Variants in PCCA observed in about 807,000 individuals in gnomAD.
PCCA encodes the protein propionyl-CoA carboxylase alpha chain, mitochondrial.
In PCCA, 74 loss-of-function variants were observed where a neutral mutation model predicts 101.3. The ratio of observed to expected loss-of-function variants is 0.73; its 90% CI spans 0.61 to 0.89. The LOEUF (loss-of-function observed/expected upper bound fraction) is 0.89. Among genes scored for constraint, PCCA ranks in the 40% least tolerant of loss-of-function variants. The pLI, the probability that PCCA is intolerant of heterozygous loss-of-function variation, is 0.00. For missense variants in PCCA, 891 were observed against 907.0 expected (o/e 0.98, Z 0.23); for synonymous variants, 294 against 313.6 (o/e 0.94, Z 0.66).
At chr13:100,168,732 G>C in intron 6 of PCCA, among the ~76,000 whole-genome samples, 1 of 152,166 alleles carries the variant, frequency 6.6e-6, no homozygotes, top group Admixed American at 6.5e-5. Flanking sequence ...TTCCCTGTGA[G>C]TCTCAGTGGT....
chr13:100,175,644 G>C (rs905882675), intron 6 of PCCA, among the ~76,000 whole-genome samples: 1 of 152,188 alleles, frequency 6.6e-6, no homozygotes, highest in Non-Finnish European at 1.5e-5. Context: ...TGGAGAGGCT[G>C]CCCTTGTTCA....
chr13:100,512,108 C>T (rs1251961853), intron 21 of PCCA, among the ~76,000 whole-genome samples: 2 of 152,206 alleles, frequency 1.3e-5, no homozygotes, highest in Non-Finnish European at 1.5e-5. Context: ...CAACCACTCT[C>T]AGCCCCCAGG....
At chr13:100,525,195 G>T (rs537153982) in intron 22 of PCCA, among the ~76,000 whole-genome samples, 1 of 152,156 alleles carries the variant, frequency 6.6e-6, no homozygotes, top group Non-Finnish European at 1.5e-5. Context: ...AGATGGGATC[G>T]CTTCAGTGGG....
intron 9 of PCCA, among the ~76,000 whole-genome samples, chr13:100,261,399 A>G (rs1381053875): frequency 6.0e-5 from 9 of 148,784 alleles, no homozygotes; most frequent in Non-Finnish European, 7.4e-5. Flanking sequence ...ATGGAGTCTC[A>G]CTGTCACCCA....
intron 21 of PCCA, among the ~76,000 whole-genome samples, chr13:100,486,912 ACT>A (rs769092330): frequency 2.0e-5 from 3 of 152,034 alleles, no homozygotes; most frequent in East Asian, 1.9e-4. Flanking sequence ...GAGCAGAGAG[ACT>A]CTGTTTCAAA....
At chr13:100,230,724 A>G (rs745564858) in intron 7 of PCCA, among the ~76,000 whole-genome samples, 12 of 151,968 alleles carry the variant, frequency 7.9e-5, no homozygotes, top group Non-Finnish European at 1.6e-4. Flanking sequence ...TCTTCCAACA[A>G]CTGTTGGTTG....
chr13:100,242,889 T>A (rs750496280), intron 8 of PCCA, among the ~76,000 whole-genome samples: 2 of 152,114 alleles, frequency 1.3e-5, no homozygotes, highest in Non-Finnish European at 2.9e-5. Flanking sequence ...ATAGTAAAAT[T>A]TTTGTTGTGG....
intron 18 of PCCA, among the ~76,000 whole-genome samples, chr13:100,361,807 G>C (rs1355974003): frequency 1.3e-5 from 2 of 152,198 alleles, no homozygotes; most frequent in African/African-American, 2.4e-5. Context: ...TGGAAATGTT[G>C]TAATCTTTTG....
intron 12 of PCCA, among the ~76,000 whole-genome samples, chr13:100,276,824 ATTAAC>A (rs1332170170): frequency 1.3e-5 from 2 of 152,114 alleles, no homozygotes; most frequent in East Asian, 1.9e-4. Context: ...TTTGAACATA[ATTAAC>A]TTATTTGTTT....
chr13:100,493,582 A>G (rs2085067179), intron 21 of PCCA, among the ~76,000 whole-genome samples: 1 of 152,204 alleles, frequency 6.6e-6, no homozygotes, highest in African/African-American at 2.4e-5. Context: ...AGTTCTTGCA[A>G]ACCCCCACAG....
intron 4 of PCCA, among the ~76,000 whole-genome samples, chr13:100,135,821 G>C (rs1012069450): frequency 1.3e-5 from 2 of 152,082 alleles, no homozygotes; most frequent in East Asian, 3.9e-4. Flanking sequence ...TTATCAGGTT[G>C]AGGAAGATCC....
chr13:100,527,413 G>A (rs2087933884), intron 22 of PCCA: 4 of 546,450 alleles, frequency 7.3e-6, no homozygotes, highest in South Asian at 3.2e-5. Flanking sequence ...AGATCCCCAG[G>A]GTAGGCCCCG....
At chr13:100,415,495 T>C (rs1346581888) in intron 19 of PCCA, among the ~76,000 whole-genome samples, 2 of 152,192 alleles carry the variant, frequency 1.3e-5, no homozygotes, top group Non-Finnish European at 2.9e-5. Context: ...TGAAAGTCTA[T>C]TACAGGAGCA....
At chr13:100,331,087 G>C (rs1052657506) in intron 17 of PCCA, among the ~76,000 whole-genome samples, 22 of 152,040 alleles carry the variant, frequency 1.4e-4, no homozygotes, top group Admixed American at 8.5e-4. Flanking sequence ...ACCAGATTCT[G>C]GTCCTATTAA....
chr13:100,337,510 C>A (rs1029700034), intron 17 of PCCA, among the ~76,000 whole-genome samples: 2 of 152,140 alleles, frequency 1.3e-5, no homozygotes, highest in African/African-American at 2.4e-5. Context: ...ATGCTAAAAT[C>A]GTTGTAAGAA....
intron 21 of PCCA, among the ~76,000 whole-genome samples, chr13:100,467,149 T>A (rs1008641864): frequency 6.6e-6 from 1 of 152,142 alleles, no homozygotes; most frequent in African/African-American, 2.4e-5. Flanking sequence ...AGAGCAGCTG[T>A]AGGACCAAAC....
At chr13:100,342,092 A>G (rs1292427289) in intron 18 of PCCA, among the ~76,000 whole-genome samples, 2 of 151,624 alleles carry the variant, frequency 1.3e-5, no homozygotes, top group Non-Finnish European at 2.9e-5. Context: ...TACTTGTGCA[A>G]GATAAACAGC....
intron 6 of PCCA, among the ~76,000 whole-genome samples, chr13:100,159,368 C>A (rs942270583): frequency 9.2e-5 from 14 of 151,842 alleles, no homozygotes; most frequent in Non-Finnish European, 1.9e-4. Context: ...GGATTACAGG[C>A]GTGAGCCACT....
intron 12 of PCCA, among the ~76,000 whole-genome samples, chr13:100,298,629 CCCCT>C (rs1386481400): frequency 1.3e-3 from 1 of 774 alleles, no homozygotes; most frequent in Non-Finnish European, 2.5e-3. Context: ...CTCCCTCCCT[CCCCT>C]CCCTCCCTCC....
Sources: gnomAD v4.1 joint callset for allele counts (sites outside exome capture counted in the v4.1 genomes callset) on GRCh38, gnomAD v4.1.1 for gene constraint, MANE v1.5 for transcripts, NCBI Gene and HGNC (gene_info 2026-07-23, HGNC 2026-07-21) for gene names.